Variants in HOMER2 observed in about 807,000 individuals in gnomAD.
HOMER2 encodes homer scaffold protein 2.
In HOMER2, 27 loss-of-function variants were observed where a neutral mutation model predicts 47.0. The observed-to-expected ratio is 0.57, with a 90% CI of 0.42 to 0.79. HOMER2 has a LOEUF of 0.79. Among genes scored for constraint, HOMER2 ranks in the 30% least tolerant of loss-of-function variants. The pLI is 0.00. For missense variants in HOMER2, 443 were observed against 435.0 expected, an observed-to-expected ratio of 1.02 and a Z score of -0.16; for synonymous variants, 161 against 163.8, an observed-to-expected ratio of 0.98 and a Z score of 0.13.
intron 1 of HOMER2, among the ~76,000 whole-genome samples, chr15:82,974,214 G>A (rs540481999): frequency 2.0e-5 from 3 of 151,798 alleles, no homozygotes; most frequent in Non-Finnish European, 2.9e-5. Flanking sequence ...AGACCAGCAT[G>A]ACCAACATGG....
chr15:82,848,192 G>T (rs546736931), downstream of HOMER2, among the ~76,000 whole-genome samples: 3 of 152,272 alleles, frequency 2.0e-5, no homozygotes, highest in South Asian at 6.2e-4. Flanking sequence ...GTTCACCTTG[G>T]GGCCCAGGGC....
intron 1 of HOMER2, among the ~76,000 whole-genome samples, chr15:82,922,662 CA>C (rs1274581497): frequency 2.0e-5 from 3 of 152,128 alleles, no homozygotes; most frequent in African/African-American, 7.2e-5. Flanking sequence ...TTGTACTACA[CA>C]GGGCCAACTG....
intron 1 of HOMER2, among the ~76,000 whole-genome samples, chr15:82,919,941 C>A (rs999660825): frequency 6.6e-6 from 1 of 152,208 alleles, no homozygotes; most frequent in South Asian, 2.1e-4. Flanking sequence ...TTCCTATTGC[C>A]TTCTCTATCG....
intron 1 of HOMER2, among the ~76,000 whole-genome samples, chr15:82,982,578 C>T (rs1396868846): frequency 6.6e-6 from 1 of 152,140 alleles, no homozygotes; most frequent in African/African-American, 2.4e-5. Context: ...CCAAAATGCT[C>T]CAATGAGCAT....
intron 2 of HOMER2, among the ~76,000 whole-genome samples, chr15:82,882,881 C>CT (rs757073475): frequency 0.32 from 8,775 of 27,236 alleles, 2,463 homozygotes; most frequent in East Asian, 0.57. Context: ...CCAGCCACTG[C>CT]TTTTTTTTTT....
At chr15:82,918,458 C>A (rs186478297) in intron 1 of HOMER2, among the ~76,000 whole-genome samples, 1 of 152,232 alleles carries the variant, frequency 6.6e-6, no homozygotes, top group African/African-American at 2.4e-5. Flanking sequence ...GCCTCATTTC[C>A]GTGTCCTACT....
At chr15:82,910,876 T>G (rs1378208374) in intron 1 of HOMER2, among the ~76,000 whole-genome samples, 1 of 152,138 alleles carries the variant, frequency 6.6e-6, no homozygotes, top group Non-Finnish European at 1.5e-5. Context: ...GGGTCAAAGT[T>G]AAACAAGAGG....
chr15:82,982,029 T>A (rs1244392368), intron 1 of HOMER2, among the ~76,000 whole-genome samples: 1 of 152,166 alleles, frequency 6.6e-6, no homozygotes, highest in African/African-American at 2.4e-5. Flanking sequence ...TACCACAATT[T>A]AAAAAATATA....
At chr15:82,949,574 G>A (rs1032686783) in intron 1 of HOMER2, among the ~76,000 whole-genome samples, 1 of 152,196 alleles carries the variant, frequency 6.6e-6, no homozygotes, top group Non-Finnish European at 1.5e-5. Flanking sequence ...AGTATGGAGA[G>A]TGAACAAATG....
At chr15:82,873,218 A>C (rs1305636938) in intron 3 of HOMER2, among the ~76,000 whole-genome samples, 1 of 152,164 alleles carries the variant, frequency 6.6e-6, no homozygotes, top group Non-Finnish European at 1.5e-5. Context: ...ACCTCTAGGC[A>C]CCAGCCAGCT....
chr15:82,975,568 A>T (rs1213796272), intron 1 of HOMER2, among the ~76,000 whole-genome samples: 1 of 152,218 alleles, frequency 6.6e-6, no homozygotes, highest in Admixed American at 6.5e-5. Flanking sequence ...AACACCATAG[A>T]TGGAACAGGA....
exon 2 of HOMER2, chr15:82,842,856 T>G: frequency 6.6e-6 from 1 of 152,144 alleles, no homozygotes; most frequent in East Asian, 1.9e-4. Flanking sequence ...ATAAACAGTG[T>G]TGGGGTAATT....
upstream of HOMER2, among the ~76,000 whole-genome samples, chr15:82,954,104 G>T (rs1042085390): frequency 2.6e-5 from 4 of 151,900 alleles, no homozygotes; most frequent in Non-Finnish European, 5.9e-5. Context: ...TACAAAATAA[G>T]TTTGTAAAAA....
chr15:82,968,423 T>C (rs1467732208), intron 1 of HOMER2, among the ~76,000 whole-genome samples: 1 of 152,256 alleles, frequency 6.6e-6, no homozygotes, highest in Non-Finnish European at 1.5e-5. Context: ...TGTTTAGATT[T>C]AAATTTTATT....
chr15:82,859,462 TA>T (rs1021953241), intron 4 of HOMER2, among the ~76,000 whole-genome samples: 2 of 152,204 alleles, frequency 1.3e-5, no homozygotes, highest in African/African-American at 4.8e-5. Flanking sequence ...AGAGCCTTTT[TA>T]CTTACGCCTT....
At chr15:82,873,770 C>G (rs909200511) in intron 3 of HOMER2, among the ~76,000 whole-genome samples, 2 of 152,216 alleles carry the variant, frequency 1.3e-5, no homozygotes, top group Non-Finnish European at 2.9e-5. Context: ...GAAACAGAGT[C>G]TTCGTGGAAG....
At chr15:82,941,416 C>G (rs1041674029) in intron 1 of HOMER2, among the ~76,000 whole-genome samples, 2 of 142,086 alleles carry the variant, frequency 1.4e-5, no homozygotes, top group African/African-American at 5.4e-5. Flanking sequence ...GCACTCTAGC[C>G]TGGGCGACAG....
chr15:82,892,300 T>C (rs2052735966), intron 2 of HOMER2, among the ~76,000 whole-genome samples: 1 of 152,154 alleles, frequency 6.6e-6, no homozygotes, highest in African/African-American at 2.4e-5. Context: ...TGCCCCATAA[T>C]ATTCTAGGAA....
intron 1 of HOMER2, among the ~76,000 whole-genome samples, chr15:82,939,484 T>C (rs1182874366): frequency 3.3e-5 from 5 of 152,092 alleles, no homozygotes; most frequent in African/African-American, 4.8e-5. Flanking sequence ...CTGGCCAACA[T>C]GGCAAAACCC....
Sources: gnomAD v4.1 joint callset for allele counts (sites outside exome capture counted in the v4.1 genomes callset) on GRCh38, gnomAD v4.1.1 for gene constraint, MANE v1.5 for transcripts, NCBI Gene and HGNC (gene_info 2026-07-23, HGNC 2026-07-21) for gene names.